The following PAX8 variants were observed in gnomAD, a reference collection of about 807,000 sequenced individuals.
The protein encoded by PAX8 is paired box 8.
In PAX8, 15 loss-of-function variants were observed where a neutral mutation model predicts 52.4. The observed-to-expected ratio is 0.29, with a 90% CI of 0.19 to 0.44. The LOEUF (loss-of-function observed/expected upper bound fraction) is 0.44. Ranked by LOEUF, PAX8 falls within the 20% of genes least tolerant of loss-of-function variation. PAX8 has a pLI of 1.00. For missense variants in PAX8, 554 were observed against 602.5 expected (o/e 0.92, Z 0.84); for synonymous variants, 284 against 249.7 (o/e 1.14, Z -1.29).
chr2:113,219,122 C>A (rs1171820472), intron 11 of PAX8, among the ~76,000 whole-genome samples: 2 of 152,196 alleles, frequency 1.3e-5, no homozygotes, highest in Non-Finnish European at 2.9e-5. Flanking sequence ...GTGCCTGAAC[C>A]CTGGCATGTC....
At chr2:113,267,795 A>G (rs17043176) in intron 2 of PAX8, 9,842 of 152,184 alleles carry the variant, frequency 0.065, 501 homozygotes, top group African/African-American at 0.13. Context: ...ACATACTTCT[A>G]CATTTTAAAG....
intron 10 of PAX8, among the ~76,000 whole-genome samples, chr2:113,222,192 C>A (rs1007384685): frequency 2.0e-5 from 3 of 152,188 alleles, no homozygotes; most frequent in African/African-American, 7.2e-5. Context: ...CCAACTGCCT[C>A]CTGTTTAACT....
chr2:113,226,441 A>C, intron 10 of PAX8: 1 of 986,396 alleles, frequency 1.0e-6, no homozygotes, highest in African/African-American at 1.7e-5. Context: ...CATTATCTTC[A>C]TTTGTCCAGA....
intron 2 of PAX8, among the ~76,000 whole-genome samples, chr2:113,249,952 G>A (rs1691632477): frequency 6.6e-6 from 1 of 151,910 alleles, no homozygotes; most frequent in Non-Finnish European, 1.5e-5. Context: ...ACTTATGCCT[G>A]CTGCTGACTT....
chr2:113,244,683 G>A, intron 3 of PAX8, 59 bp from the exon 4 acceptor site: 1 of 1,517,726 alleles, frequency 6.6e-7, no homozygotes, highest in Non-Finnish European at 9.1e-7. Flanking sequence ...CTTTAGACAG[G>A]GATTTAGCCA....
chr2:113,277,026 G>A (rs528717362), intron 2 of PAX8, among the ~76,000 whole-genome samples: 2 of 152,338 alleles, frequency 1.3e-5, no homozygotes, highest in Non-Finnish European at 2.9e-5. Flanking sequence ...AGCGCTCGTG[G>A]TTCCAGGACG....
intron 2 of PAX8, among the ~76,000 whole-genome samples, chr2:113,277,888 C>T (rs6753216): frequency 0.45 from 67,666 of 151,832 alleles, 15,693 homozygotes; most frequent in East Asian, 0.72. Context: ...CCGGGACCAC[C>T]GGCTCCATTG....
intron 5 of PAX8, 139 bp from the exon 6 acceptor site, chr2:113,242,269 T>C: frequency 1.5e-6 from 1 of 686,730 alleles, no homozygotes. Flanking sequence ...GGGACACCCC[T>C]TACAGCCCTG....
intron 9 of PAX8, among the ~76,000 whole-genome samples, chr2:113,231,397 G>A (rs1689879675): frequency 6.6e-6 from 1 of 152,262 alleles, no homozygotes; most frequent in Non-Finnish European, 1.5e-5. Flanking sequence ...AATGTTAGGG[G>A]CACTCTTGCT....
At chr2:113,263,805 A>G (rs981756220) in intron 2 of PAX8, among the ~76,000 whole-genome samples, 4 of 152,244 alleles carry the variant, frequency 2.6e-5, no homozygotes, top group African/African-American at 9.6e-5. Context: ...AATGCTGATC[A>G]TAAAAAAATC....
In PAX8 at chr2:113,242,029, C is replaced by A. The variant is rs769309449; in HGVS notation, c.580G>T (p.Asp194Tyr). ...TCACTGTCATCCATTTTCCTCTTGT[C>A]GCTGCCAGGCTGAGCGATGCCCAGG... ...GLLGIAQPGS[D>Y]KRKMDDSDQD... Residue 194 changes from aspartate to tyrosine, a missense_variant, in exon 6 of 12, where the codon GAC becomes TAC. Around this residue, in one of 2 missense-constraint regions of PAX8, gnomAD observed 445 missense variants for 409.9 expected, o/e 1.09. Transcript: ENST00000429538. 3 of 1,613,550 alleles carry A rather than the reference C, an allele frequency of 1.9e-6. No homozygotes were observed. The highest frequency in any genetic ancestry group is 2.7e-5 in the African/African-American group (2 of 74,906).
rs180848525 is a variant in PAX8 at position 113,233,428 on chromosome 2, C to T, written c.1087+1966G>A. Among the ~76,000 whole-genome samples the T allele has an allele frequency of 2.5e-3, 380 of 151,460 alleles. 1 individual carries two copies. The Middle Eastern group carries it at 0.051, about 20-fold the overall frequency. On this transcript the variant is annotated intron_variant, in intron 9 of 11. Coordinates refer to ENST00000429538, the MANE Select transcript of PAX8 (RefSeq NM_003466.4). ...TGGGTGCAGTGGCTCACACCTGTAA[C>T]CCCAGCACTTTGGGAGGCCAAGGTG...
rs1386457410 is a variant in PAX8, at chr2:113,217,256, A to T, written c.*1277T>A. ...TCTGGGGCATCAGATGGTCCCTTCC[A>T]GCCCACGGCCCCAAAGTGAGTTTGT... On this transcript the variant is annotated 3_prime_UTR_variant, in exon 12 of 12. Transcript: ENST00000429538. The T allele has an allele frequency of 4.4e-6, 1 of 229,090 alleles. No individual in the cohort carries two copies. Among genetic ancestry groups the T allele is most frequent in the Non-Finnish European group, 8.7e-6 (1 of 115,284 alleles). The allele number at this position is 229,090 out of a possible 1,614,324, so 14.2% of individuals were successfully genotyped here. A position where few individuals can be genotyped will look rare whatever the true frequency, so the allele number is the denominator to read the frequency against.
chr2:113,250,620 C>T (rs1156996453), intron 2 of PAX8: 2 of 152,320 alleles, frequency 1.3e-5, no homozygotes, highest in African/African-American at 4.8e-5. Flanking sequence ...CTGGTTTAGG[C>T]CAGGTGATGG....
chr2:113,247,485 G>C (rs1691426042), intron 2 of PAX8, among the ~76,000 whole-genome samples: 1 of 152,108 alleles, frequency 6.6e-6, no homozygotes, highest in Admixed American at 6.6e-5. Context: ...AGCTCTGTCT[G>C]TGGACTTCTG....
Position 113,217,832 on chromosome 2 carries a change from C to T in PAX8, c.*701G>A, listed in dbSNP as rs748054251. The T allele has an allele frequency of 7.7e-5, 18 of 233,248 alleles. No individual in the cohort carries two copies. The highest frequency in any genetic ancestry group is 1.3e-4 in the Non-Finnish European group (15 of 118,180). The allele number at this position is 233,248 out of a possible 1,614,324, so 14.4% of individuals were successfully genotyped here. A position where few individuals can be genotyped will look rare whatever the true frequency, so the allele number is the denominator to read the frequency against. On this transcript the variant is annotated 3_prime_UTR_variant, in exon 12 of 12. Transcript: ENST00000429538. ...GACGGCAGCTGCCAAGGGGATGCCG[C>T]ACTGCAGGAGGACCTGGGGTGGTGC...
At chr2:113,234,235 C>T (rs986863184) in intron 9 of PAX8, among the ~76,000 whole-genome samples, 5 of 152,262 alleles carry the variant, frequency 3.3e-5, no homozygotes, top group African/African-American at 7.2e-5. Context: ...CTGCTTCCCA[C>T]TTTCACTGCA....
intron 2 of PAX8, among the ~76,000 whole-genome samples, chr2:113,248,123 AT>A (rs1691473065): frequency 1.3e-5 from 2 of 152,344 alleles, no homozygotes; most frequent in South Asian, 4.1e-4. Context: ...TTTCCAACAT[AT>A]TCAACTCTAT....
intron 9 of PAX8, 87 bp downstream of exon 9, chr2:113,235,307 G>A (rs1690186122): frequency 1.7e-6 from 2 of 1,159,748 alleles, no homozygotes; most frequent in East Asian, 5.2e-5. Context: ...TGAGACTGAG[G>A]CCAGAGAGGG....
Sources: allele counts gnomAD v4.1 joint callset (sites outside exome capture counted in the v4.1 genomes callset), GRCh38; gene constraint gnomAD v4.1.1; regional missense constraint gnomAD v4.1.1; transcripts MANE v1.5; gene names NCBI Gene and HGNC (gene_info 2026-07-23, HGNC 2026-07-21).